AHCY: variants seen among roughly 807,000 people sequenced by gnomAD.
The protein encoded by AHCY is adenosylhomocysteinase, also known as S-adenosyl-L-homocysteine hydrolase.
Under a neutral mutation model 45.4 loss-of-function variants are expected in AHCY, and 24 were observed. That is an observed-to-expected ratio of 0.53 (90% CI 0.38 to 0.74). AHCY has a LOEUF of 0.74. AHCY is among the 30% of genes least tolerant of loss of function. The probability of loss-of-function intolerance (pLI) is 0.00; values close to 1 mark genes in which losing one functional copy is unlikely to be tolerated. For synonymous variants in AHCY, 245 were observed against 235.1 expected (o/e 1.04, Z -0.39); for missense variants, 449 against 594.1 (o/e 0.76, Z 2.54).
At position 34,290,788 on chromosome 20, in the gene AHCY, C is replaced by A. The variant is rs1376103157; in HGVS notation, c.709G>T (p.Ala237Ser). The change falls in exon 6 of 10, where the codon GCC (alanine) becomes TCC (serine). Residue 237 changes from alanine to serine, a missense_variant. Ala to Ser is a moderately conservative substitution (Grantham distance 99, BLOSUM62 1). Transcript: ENST00000217426. This position sits in a 1 kb window ranked among gnomAD's most constrained non-coding sequence, Gnocchi z 4.5. ...TCAATCTCGGTGATGATGACGCGGG[C>A]TCCGAAACCCCGCAGGGCCTGGGCA... is the stretch of plus-strand genomic sequence containing the variant. ...GCAQALRGFG[A>S]RVIITEIDPI... is the part of the protein sequence containing the mutation. 6.2e-7 allele frequency: 1 copy of A among 1,614,086 alleles called. No homozygotes were observed. The highest frequency in any genetic ancestry group is 8.5e-7 in the Non-Finnish European group (1 of 1,180,014).
chr20:34,302,149 C>T (rs775304072), intron 1 of AHCY, among the ~76,000 whole-genome samples: 3 of 151,988 alleles, frequency 2.0e-5, no homozygotes, highest in Admixed American at 6.6e-5. Flanking sequence ...TGAAGGCGCC[C>T]GCCACCACGC....
chr20:34,283,822 CTCTTCCTGCG>C (rs1449370250), intron 9 of AHCY, among the ~76,000 whole-genome samples: 1 of 152,190 alleles, frequency 6.6e-6, no homozygotes, highest in Non-Finnish European at 1.5e-5. Context: ...TGCCCCAGGC[CTCTTCCTGCG>C]TCTTCCTCAA....
chr20:34,291,605 C>A, intron 4 of AHCY, 74 bp from the exon 5 acceptor site: 1 of 1,330,984 alleles, frequency 7.5e-7, no homozygotes, highest in South Asian at 1.2e-5. Flanking sequence ...TCTTTACCCC[C>A]TAAAGCCATT....
the AHCY span, among the ~76,000 whole-genome samples, chr20:34,257,873 G>C: frequency 6.6e-6 from 1 of 152,220 alleles, no homozygotes; most frequent in Non-Finnish European, 1.5e-5. Context: ...GCTGGGTGCG[G>C]TGGCTCACAC....
At chr20:34,249,016 C>G in the AHCY span, among the ~76,000 whole-genome samples, 25 of 150,794 alleles carry the variant, frequency 1.7e-4, no homozygotes, top group Non-Finnish European at 3.5e-4. Flanking sequence ...GTAGTCCCAG[C>G]TACTAGGGAG....
At chr20:34,239,336 C>G in the AHCY span, among the ~76,000 whole-genome samples, 1 of 152,108 alleles carries the variant, frequency 6.6e-6, no homozygotes, top group Admixed American at 6.5e-5. Context: ...CCTGCCTCAG[C>G]CTCCCAAGTA....
At chr20:34,269,500 C>T in the AHCY span, among the ~76,000 whole-genome samples, 1 of 152,048 alleles carries the variant, frequency 6.6e-6, no homozygotes, top group South Asian at 2.1e-4. Context: ...GGGTTAGGAA[C>T]GAGGCTATCC....
the AHCY span, among the ~76,000 whole-genome samples, chr20:34,243,908 CA>C: frequency 2.0e-5 from 3 of 151,914 alleles, no homozygotes; most frequent in Admixed American, 2.0e-4. Context: ...ACTAAAAATA[CA>C]AAAAAATTAA....
At chr20:34,263,670 T>G in the AHCY span, among the ~76,000 whole-genome samples, 1 of 151,460 alleles carries the variant, frequency 6.6e-6, no homozygotes, top group Non-Finnish European at 1.5e-5. Context: ...TCTTTTTTTT[T>G]TTTTCTTTTT....
the AHCY span, among the ~76,000 whole-genome samples, chr20:34,238,446 G>A: frequency 2.6e-5 from 4 of 152,098 alleles, no homozygotes; most frequent in East Asian, 7.7e-4. Context: ...AATCCCTCTA[G>A]TGCATTTTTA....
At chr20:34,277,820 C>T (rs1345735488), downstream of AHCY, among the ~76,000 whole-genome samples, 2 of 150,742 alleles carry the variant, frequency 1.3e-5, no homozygotes, top group Admixed American at 6.6e-5. Flanking sequence ...ATCATTCGAG[C>T]GTCAAGACAG....
rs2035982641 is a variant in AHCY at position 34,281,033 on chromosome 20, C to G, written c.*1G>C. 6.2e-7 allele frequency: 1 copy of G among 1,613,978 alleles called. No individual in the cohort carries two copies. Among genetic ancestry groups the G allele is most frequent in the Non-Finnish European group, 8.5e-7 (1 of 1,180,026 alleles). On this transcript the variant is annotated 3_prime_UTR_variant, in exon 10 of 10. Coordinates refer to ENST00000217426, the MANE Select transcript of AHCY (RefSeq NM_000687.4). The stretch of plus-strand genomic sequence containing the variant: ...TGGAGGGTGAAACGCAGACCTGGCT[C>G]TCAGTAGCGGTAGTGATCCGGCTTG...
At chr20:34,235,866 A>G in the AHCY span, among the ~76,000 whole-genome samples, 71 of 36,874 alleles carry the variant, frequency 1.9e-3, no homozygotes, top group African/African-American at 0.01. Context: ...GGAAGGAAGG[A>G]AAGGAAGGAA....
chr20:34,235,369 G>A, the AHCY span, among the ~76,000 whole-genome samples: 1 of 152,184 alleles, frequency 6.6e-6, no homozygotes, highest in African/African-American at 2.4e-5. Flanking sequence ...GAAGCGGGGA[G>A]GCGGAGGTTG....
the AHCY span, among the ~76,000 whole-genome samples, chr20:34,259,686 G>A: frequency 1.3e-5 from 2 of 151,782 alleles, no homozygotes; most frequent in African/African-American, 4.8e-5. Flanking sequence ...GGAGGTGGAG[G>A]TTGCAGTGAG....
chr20:34,311,615 C>G (rs543137142), exon 1 of AHCY: 13 of 152,512 alleles, frequency 8.5e-5, no homozygotes, highest in African/African-American at 3.1e-4. Context: ...CCGCTCGCCT[C>G]CCGGCGGTCC....
the AHCY span, among the ~76,000 whole-genome samples, chr20:34,254,728 G>A: frequency 6.6e-6 from 1 of 151,970 alleles, no homozygotes; most frequent in Non-Finnish European, 1.5e-5. Flanking sequence ...TTTTTCTAAC[G>A]TTCACAAAGT....
chr20:34,290,987 G>A lies in AHCY; in HGVS notation c.559-49C>T, dbSNP rs1173743244. 1.9e-6 allele frequency: 3 copies of A among 1,583,962 alleles called. No homozygotes were observed. The highest frequency in any genetic ancestry group is 2.7e-5 in the African/African-American group (2 of 74,302). On this transcript the variant is annotated intron_variant, in intron 5 of 9. Coordinates refer to ENST00000217426, the MANE Select transcript of AHCY (RefSeq NM_000687.4). This position sits in a 1 kb window ranked among gnomAD's most constrained non-coding sequence, Gnocchi z 4.5. ...ACAATAGGGGCAGGCAAGGCCCTGG[G>A]GCCAGGACAACTTGGCCTCAGAGTA...
intron 2 of AHCY, among the ~76,000 whole-genome samples, chr20:34,294,573 G>A (rs2036510275): frequency 1.3e-5 from 2 of 152,080 alleles, no homozygotes; most frequent in Admixed American, 6.6e-5. Context: ...GAAAGGGAGG[G>A]GAGGAGATGA....
Sources: allele counts gnomAD v4.1 joint callset (sites outside exome capture counted in the v4.1 genomes callset), GRCh38; gene constraint gnomAD v4.1.1; non-coding constraint Gnocchi (gnomAD v3.1); transcripts MANE v1.5; gene names NCBI Gene and HGNC (gene_info 2026-07-23, HGNC 2026-07-21).